GOLM1: variants seen among roughly 807,000 people sequenced by gnomAD.
GOLM1 encodes the protein golgi membrane protein 1.
Under a neutral mutation model 50.5 loss-of-function variants are expected in GOLM1, and 31 were observed. The ratio of observed to expected loss-of-function variants is 0.61; its 90% confidence interval spans 0.46 to 0.83. The LOEUF is 0.83. Ranked by LOEUF, GOLM1 falls within the 40% of genes least tolerant of loss-of-function variation. The probability of loss-of-function intolerance (pLI) is 0.00; values close to 1 mark genes in which losing one functional copy is unlikely to be tolerated. For missense variants in GOLM1, 491 were observed against 501.3 expected (o/e 0.98, Z 0.20); for synonymous variants, 178 against 192.8 (o/e 0.92, Z 0.64).
chr9:86,068,183 A>G (rs1008879467), intron 3 of GOLM1, among the ~76,000 whole-genome samples: 10 of 152,174 alleles, frequency 6.6e-5, no homozygotes, highest in Admixed American at 4.6e-4. Flanking sequence ...GTGAGGTGGA[A>G]ATTGCACAAA....
intron 3 of GOLM1, among the ~76,000 whole-genome samples, chr9:86,075,995 C>T (rs935185668): frequency 1.3e-5 from 2 of 152,120 alleles, no homozygotes; most frequent in Non-Finnish European, 2.9e-5. Context: ...ATCAGTTATG[C>T]GAGAAAAGTC....
chr9:86,060,112 G>A (rs1319543288), intron 3 of GOLM1, among the ~76,000 whole-genome samples: 1 of 152,088 alleles, frequency 6.6e-6, no homozygotes, highest in South Asian at 2.1e-4. Flanking sequence ...ATCATTGCAA[G>A]ATGTATTCCA....
intron 8 of GOLM1, 24 bp downstream of exon 8, chr9:86,035,344 C>G: frequency 1.2e-6 from 2 of 1,606,518 alleles, no homozygotes; most frequent in Middle Eastern, 2.1e-4. Context: ...GAGTCCACAG[C>G]GGCCCCCGAA....
chr9:86,030,198 A>G (rs552176062), intron 9 of GOLM1, among the ~76,000 whole-genome samples: 2 of 148,216 alleles, frequency 1.3e-5, no homozygotes, highest in East Asian at 2.0e-4. Context: ...AGCCTGGGCA[A>G]GAAGAGTGAG....
At position 86,040,844 on chromosome 9, in the gene GOLM1, C is replaced by G; in HGVS notation, c.492G>C (p.Lys164Asn). 8.1e-6 allele frequency: 13 copies of G among 1,613,988 alleles called. No individual in the cohort carries two copies. The highest frequency in any genetic ancestry group is 1.1e-5 in the Non-Finnish European group (13 of 1,179,922). The change falls in exon 6 of 10, where the codon AAG becomes AAC. Residue 164 changes from lysine to asparagine, a missense_variant. By Grantham distance (94) the Lys-to-Asn change is moderately conservative. Coordinates refer to ENST00000388712, the MANE Select transcript of GOLM1 (RefSeq NM_016548.4). Reference protein sequence around the residue: ...YDLSQCINQMKEVKEQCEERI... With the variant: ...YDLSQCINQMNEVKEQCEERI... ...GCTCCTCACACTGTTCCTTCACCTC[C>G]TTCATCTGATTGATGCACTGGCTCC... is the stretch of plus-strand genomic sequence containing the variant.
intron 4 of GOLM1, among the ~76,000 whole-genome samples, chr9:86,051,028 G>A (rs898115216): frequency 6.6e-6 from 1 of 152,144 alleles, no homozygotes; most frequent in South Asian, 2.1e-4. Context: ...TCTATGCACT[G>A]CCTTAAACGT....
At position 86,027,858 on chromosome 9, in the gene GOLM1, T is replaced by C; in HGVS notation, c.1165A>G (p.Asn389Asp). 1 of 1,610,472 alleles carries C rather than the reference T, an allele frequency of 6.2e-7. No individual in the cohort carries two copies. Among genetic ancestry groups the C allele is most frequent in the South Asian group, 1.1e-5 (1 of 90,958 alleles). Reference sequence around the variant, plus strand: ...CGCTTTTCACGCTGATCAAGTAAATTTATGGTGTCTCTTTTCTGATCTTCA... The same window carrying C: ...CGCTTTTCACGCTGATCAAGTAAATCTATGGTGTCTCTTTTCTGATCTTCA... ...NVEDQKRDTI[N>D]LLDQREKRNH... The change falls in exon 10 of 10, where the codon AAT becomes GAT. Residue 389 changes from asparagine to aspartate, a missense_variant. Asn to Asp is a conservative substitution (Grantham distance 23). Coordinates refer to ENST00000388712, the MANE Select transcript of GOLM1 (RefSeq NM_016548.4).
chr9:86,087,634 A>G (rs1252711454), intron 1 of GOLM1, among the ~76,000 whole-genome samples: 1 of 152,164 alleles, frequency 6.6e-6, no homozygotes, highest in East Asian at 1.9e-4. Context: ...TAGTTTATTG[A>G]GAGTTTTTAG....
At position 86,026,544 on chromosome 9, in the gene GOLM1, G is replaced by A. The variant is rs1832789655; in HGVS notation, c.*1273C>T. On this transcript the variant is annotated 3_prime_UTR_variant, in exon 10 of 10. Coordinates refer to ENST00000388712, the MANE Select transcript of GOLM1 (RefSeq NM_016548.4). ...GCCCCATTTTCCCCTCTGAAAATAA[G>A]AGGGTTGGATCAAACGATCTCTGGG... 1 of 898,426 alleles carries A rather than the reference G, an allele frequency of 1.1e-6. No individual in the cohort carries two copies. The highest frequency in any genetic ancestry group is 1.2e-4 in the East Asian group (1 of 8,406). The allele number at this position is 898,426 out of a possible 1,614,324, so 55.7% of individuals were successfully genotyped here.
At chr9:86,038,683 G>A (rs1013593419) in intron 6 of GOLM1, among the ~76,000 whole-genome samples, 7 of 152,142 alleles carry the variant, frequency 4.6e-5, no homozygotes, top group Admixed American at 2.0e-4. Flanking sequence ...AATTCAGTGG[G>A]GGAAAAGCAG....
intron 8 of GOLM1, among the ~76,000 whole-genome samples, chr9:86,034,347 C>T (rs991774222): frequency 1.3e-5 from 2 of 152,218 alleles, no homozygotes; most frequent in Non-Finnish European, 2.9e-5. Flanking sequence ...GGAAACTGCA[C>T]AGGCCTATGT....
chr9:86,049,672 G>C (rs1365699006), intron 4 of GOLM1, among the ~76,000 whole-genome samples: 1 of 152,118 alleles, frequency 6.6e-6, no homozygotes, highest in African/African-American at 2.4e-5. Context: ...CTGTTTGTCT[G>C]TTATTGGTGT....
chr9:86,061,514 ACAGAGAAAGAGGGCAG>A (rs1205326656), intron 3 of GOLM1, among the ~76,000 whole-genome samples: 1 of 152,218 alleles, frequency 6.6e-6, no homozygotes, highest in Non-Finnish European at 1.5e-5. Flanking sequence ...AAAACGAGTA[ACAGAGAAAGAGGGCAG>A]CAGAGGGAAG....
intron 1 of GOLM1, among the ~76,000 whole-genome samples, chr9:86,092,736 C>T (rs1033643413): frequency 6.6e-6 from 1 of 152,164 alleles, no homozygotes; most frequent in Admixed American, 6.5e-5. Flanking sequence ...ACCCTTGCTG[C>T]TGAAGGATAA....
intron 5 of GOLM1, 146 bp downstream of exon 5, chr9:86,046,324 T>C (rs1380050633): frequency 3.3e-6 from 2 of 615,326 alleles, no homozygotes; most frequent in Non-Finnish European, 5.9e-6. Flanking sequence ...GTGTAGGACA[T>C]GAATCCTAGA....
rs575965385 is a variant in GOLM1, at chr9:86,095,905, G to A, written c.-22+3506C>T. 3.3e-5 allele frequency among the ~76,000 whole-genome samples: 5 copies of A among 152,332 alleles called. No homozygotes were observed. In the South Asian group the frequency reaches 8.3e-4, roughly 25 times the overall value. ...CTTCCTTAGCGGTACTGTTGAGGCA[G>A]TGTGGCTTAGGAAAAGAGTACTGAT... is the stretch of plus-strand genomic sequence containing the variant. On this transcript the variant is annotated intron_variant, in intron 1 of 9. Transcript: ENST00000388712.
intron 1 of GOLM1, among the ~76,000 whole-genome samples, chr9:86,083,972 A>G (rs952551937): frequency 6.6e-6 from 1 of 152,180 alleles, no homozygotes; most frequent in African/African-American, 2.4e-5. Flanking sequence ...TGAGTGTTTG[A>G]GCATGCGGTG....
intron 4 of GOLM1, among the ~76,000 whole-genome samples, chr9:86,047,041 A>G (rs1023838671): frequency 6.6e-6 from 1 of 152,186 alleles, no homozygotes; most frequent in African/African-American, 2.4e-5. Context: ...GCCCTCGGCC[A>G]CCAGGCTACC....
At chr9:86,034,958 C>G in intron 8 of GOLM1, 1 of 961,722 alleles carries the variant, frequency 1.0e-6, no homozygotes, top group Non-Finnish European at 1.2e-6. Flanking sequence ...TTCATCTACC[C>G]AATATTCCTT....
Sources: gnomAD v4.1 joint callset for allele counts (sites outside exome capture counted in the v4.1 genomes callset) on GRCh38, gnomAD v4.1.1 for gene constraint, MANE v1.5 for transcripts, NCBI Gene and HGNC (gene_info 2026-07-23, HGNC 2026-07-21) for gene names.